ROPN1L: variants seen among roughly 807,000 people sequenced by gnomAD.
ROPN1L encodes the protein ropporin-1-like protein.
Under a neutral mutation model 22.7 loss-of-function variants are expected in ROPN1L, and 23 were observed. The observed-to-expected ratio is 1.01, with a 90% confidence interval of 0.73 to 1.43. ROPN1L has a LOEUF of 1.43. Among genes scored for constraint, ROPN1L ranks in the 40% most tolerant of loss-of-function variants. The probability of loss-of-function intolerance (pLI) is 0.00; values close to 1 mark genes in which losing one functional copy is unlikely to be tolerated. For missense variants in ROPN1L, 271 were observed against 291.5 expected (o/e 0.93, Z 0.51); for synonymous variants, 116 against 117.8 (o/e 0.98, Z 0.10).
At chr5:10,458,300 T>G (rs1026758599) in intron 3 of ROPN1L, among the ~76,000 whole-genome samples, 2 of 151,884 alleles carry the variant, frequency 1.3e-5, no homozygotes, top group East Asian at 3.9e-4. Context: ...CAAGTCCCCA[T>G]GCTGGTCCCT....
At chr5:10,459,173 G>T (rs1425158293) in intron 3 of ROPN1L, among the ~76,000 whole-genome samples, 1 of 151,874 alleles carries the variant, frequency 6.6e-6, no homozygotes, top group East Asian at 2.0e-4. Flanking sequence ...TCATGGTTCT[G>T]TCTCTGCCCA....
chr5:10,455,532 C>T (rs1283176528), intron 3 of ROPN1L, among the ~76,000 whole-genome samples: 1 of 152,220 alleles, frequency 6.6e-6, no homozygotes, highest in African/African-American at 2.4e-5. Context: ...AGGGGCCACG[C>T]TCCCCTGACC....
chr5:10,450,928 G>A (rs796144490), intron 3 of ROPN1L, among the ~76,000 whole-genome samples: 1 of 152,196 alleles, frequency 6.6e-6, no homozygotes, highest in Non-Finnish European at 1.5e-5. Context: ...AGGTCGGGGC[G>A]AGAAGGGAGA....
intron 3 of ROPN1L, among the ~76,000 whole-genome samples, chr5:10,457,334 C>T (rs1734851810): frequency 6.6e-6 from 1 of 152,226 alleles, no homozygotes; most frequent in South Asian, 2.1e-4. Context: ...GAGATCAGTT[C>T]TGTTCAGGGC....
intron 4 of ROPN1L, chr5:10,471,714 G>A: frequency 6.6e-6 from 1 of 152,466 alleles, no homozygotes; most frequent in Non-Finnish European, 1.5e-5. Context: ...TGTGGCTTTA[G>A]TACAGGGGTA....
rs1741402415 is a variant in ROPN1L at position 10,455,806 on chromosome 5, C to CGGTCAGAGGCTTTTAAAAACCAGTGCTG, written c.418-5339_418-5312dup. 4.0e-4 allele frequency among the ~76,000 whole-genome samples: 13 copies of CGGTCAGAGGCTTTTAAAAACCAGTGCTG among 32,378 alleles called. 1 individual carries two copies. The highest frequency in any genetic ancestry group is 1.6e-3 in the South Asian group (2 of 1,254). 21.2% of individuals were successfully genotyped at this position (32,378 alleles called of 152,430 possible). A position where few individuals can be genotyped will look rare whatever the true frequency, so the allele number is the denominator to read the frequency against. On this transcript the variant is annotated intron_variant, in intron 3 of 4. Coordinates refer to ENST00000274134, the MANE Select transcript of ROPN1L (RefSeq NM_031916.5). ...TTAGAGGCTTTTAAAAACCAGTGCT[C>CGGTCAGAGGCTTTTAAAAACCAGTGCTG]GGTCAGAGGCTTTTAAAAACCAGTG...
At chr5:10,469,190 GC>G (rs1418359948), downstream of ROPN1L, among the ~76,000 whole-genome samples, 8 of 151,630 alleles carry the variant, frequency 5.3e-5, no homozygotes, top group African/African-American at 1.9e-4. Context: ...AGATGATGGA[GC>G]GTTTGCTGGC....
At chr5:10,444,060 A>G (rs969664358) in intron 1 of ROPN1L, among the ~76,000 whole-genome samples, 1 of 152,208 alleles carries the variant, frequency 6.6e-6, no homozygotes, top group Non-Finnish European at 1.5e-5. Flanking sequence ...TTGTCCATCC[A>G]GTGCTTGCCT....
chr5:10,446,205 TG>T (rs1013950053), intron 1 of ROPN1L, among the ~76,000 whole-genome samples: 3 of 152,224 alleles, frequency 2.0e-5, no homozygotes, highest in African/African-American at 7.2e-5. Context: ...TAACATTAGT[TG>T]GTCTCACCTC....
At chr5:10,481,899 A>G in the ROPN1L span, 1 of 152,264 alleles carries the variant, frequency 6.6e-6, no homozygotes, top group Non-Finnish European at 1.5e-5. Context: ...TTGCTTCTCC[A>G]AGGCTGTTTG....
intron 4 of ROPN1L, chr5:10,461,586 C>A: frequency 2.2e-6 from 1 of 460,906 alleles, no homozygotes; most frequent in Non-Finnish European, 3.9e-6. Flanking sequence ...CCGTCTCTAC[C>A]CTGTCTACCT....
intron 3 of ROPN1L, among the ~76,000 whole-genome samples, chr5:10,453,977 T>G (rs1476632438): frequency 1.3e-5 from 2 of 152,164 alleles, no homozygotes; most frequent in African/African-American, 2.4e-5. Context: ...AGCTATCAAT[T>G]CAGGTTAAGG....
In ROPN1L at chr5:10,461,175, T is replaced by G. The variant is rs773322849; in HGVS notation, c.418-9T>G. ...TGTTTTTCTCCCCACCTGGCTGTGG[T>G]GCTCCCAGTCCTTGAACACTGCGCT... On this transcript the variant is annotated splice_polypyrimidine_tract_variant and intron_variant, in intron 3 of 4. Coordinates refer to ENST00000274134, the MANE Select transcript of ROPN1L (RefSeq NM_031916.5). 6.2e-7 allele frequency: 1 copy of G among 1,606,402 alleles called. No homozygotes were observed. The highest frequency in any genetic ancestry group is 1.7e-5 in the Admixed American group (1 of 59,418).
chr5:10,466,927 C>T (rs62364323), downstream of ROPN1L, among the ~76,000 whole-genome samples: 10,280 of 152,212 alleles, frequency 0.068, 477 homozygotes, highest in Non-Finnish European at 0.11. Context: ...CTGTCCTCCT[C>T]CTGGGTCCTC....
downstream of ROPN1L, among the ~76,000 whole-genome samples, chr5:10,467,100 G>A (rs901507438): frequency 1.4e-4 from 22 of 151,946 alleles, no homozygotes; most frequent in Admixed American, 9.2e-4. Context: ...TGGGGGTTCC[G>A]ACTTCACCTT....
chr5:10,467,109 T>A (rs55871632), downstream of ROPN1L, among the ~76,000 whole-genome samples: 42 of 152,240 alleles, frequency 2.8e-4, no homozygotes, highest in African/African-American at 1.0e-3. Flanking sequence ...CGACTTCACC[T>A]TGTCAATTTT....
At chr5:10,470,502 C>T (rs556821007) in intron 4 of ROPN1L, among the ~76,000 whole-genome samples, 7 of 152,362 alleles carry the variant, frequency 4.6e-5, no homozygotes, top group Non-Finnish European at 7.3e-5. Context: ...CCCATTTCCC[C>T]GTTCTGGCTT....
chr5:10,443,805 C>T (rs973355212), intron 1 of ROPN1L, among the ~76,000 whole-genome samples: 24 of 152,170 alleles, frequency 1.6e-4, no homozygotes, highest in African/African-American at 4.6e-4. Flanking sequence ...TTCTTGGACG[C>T]CTTGGCTCAT....
intron 3 of ROPN1L, among the ~76,000 whole-genome samples, chr5:10,455,336 C>A (rs1741383404): frequency 6.6e-6 from 1 of 152,248 alleles, no homozygotes; most frequent in Non-Finnish European, 1.5e-5. Context: ...CAGAATTCCT[C>A]ATAGCCCCTG....
Sources: gnomAD v4.1 joint callset for allele counts (sites outside exome capture counted in the v4.1 genomes callset) on GRCh38, gnomAD v4.1.1 for gene constraint, MANE v1.5 for transcripts, NCBI Gene and HGNC (gene_info 2026-07-23, HGNC 2026-07-21) for gene names.